The following MED12 variants were observed in gnomAD, a reference collection of about 807,000 sequenced individuals.
The protein encoded by MED12 is mediator of RNA polymerase II transcription subunit 12.
In MED12, 10 loss-of-function variants were observed where a neutral mutation model predicts 177.7. The ratio of observed to expected loss-of-function variants is 0.06; its 90% CI spans 0.03 to 0.10. The LOEUF (loss-of-function observed/expected upper bound fraction) is 0.10. Among genes scored for constraint, MED12 ranks in the 10% least tolerant of loss-of-function variants. The probability of loss-of-function intolerance (pLI) is 1.00; values close to 1 mark genes in which losing one functional copy is unlikely to be tolerated. For synonymous variants in MED12, 641 were observed against 678.4 expected, an observed-to-expected ratio of 0.94 and a Z score of 0.86; for missense variants, 867 against 1,780.8, an observed-to-expected ratio of 0.49 and a Z score of 9.23.
chrX:71,129,186 C>T lies in MED12; in HGVS notation c.3548C>T (p.Pro1183Leu), dbSNP rs1336321422. 8.3e-7 allele frequency: 1 copy of T among 1,210,880 alleles called. No individual in the cohort carries two copies. Reference protein sequence around the residue: ...CRILLHLFKTPQLNPCQSDGN... With the variant: ...CRILLHLFKTLQLNPCQSDGN... Reference sequence around the variant, plus strand: ...ATCCTCCTTCACCTTTTCAAGACACCGCAGCTCAATCCTTGCCAGTCTGAT... The same window carrying T: ...ATCCTCCTTCACCTTTTCAAGACACTGCAGCTCAATCCTTGCCAGTCTGAT... The change falls in exon 25 of 45, where the codon CCG becomes CTG. Residue 1183 changes from proline (P) to leucine (L), a missense_variant. Transcript: ENST00000374080.
chrX:71,118,676 T>G lies in MED12; in HGVS notation c.-79T>G. The G allele has an allele frequency of 6.3e-6, 6 of 958,300 alleles. No homozygotes were observed. Among genetic ancestry groups the G allele is most frequent in the African/African-American group, 1.9e-5 (1 of 52,096 alleles). 79.0% of individuals were successfully genotyped at this position (958,300 alleles called of 1,213,427 possible). On this transcript the variant is annotated 5_prime_UTR_variant, in exon 1 of 45. Coordinates refer to ENST00000374080, the MANE Select transcript of MED12 (RefSeq NM_005120.3). ...CCGTCCTCTCAACCACCGCCCCCCT[T>G]TTCGGCTCCCTCTCCCCCTTCCCGT...
chrX:71,130,997 A>G (rs1032399421), intron 28 of MED12, among the ~76,000 whole-genome samples: 1 of 112,280 alleles, frequency 8.9e-6, no homozygotes, highest in Non-Finnish European at 1.9e-5. Context: ...CTTTAACATC[A>G]AGGGTTTCAA....
In MED12 at chrX:71,132,571, G is replaced by A. The variant is rs372112475; in HGVS notation, c.4415+33G>A. On this transcript the variant is annotated intron_variant, in intron 31 of 44. Coordinates refer to ENST00000374080, the MANE Select transcript of MED12 (RefSeq NM_005120.3). The stretch of plus-strand genomic sequence containing the variant: ...GGCTTAGGGAGTGGACCAAGATTGA[G>A]GGGTAGAAAGGAGAAGAGGCAGGCC... 50 of 1,157,748 alleles carry A rather than the reference G, an allele frequency of 4.3e-5. No individual in the cohort carries two copies. In the African/African-American group the frequency reaches 7.9e-4, roughly 18 times the overall value.
Position 71,129,090 on chromosome X carries a change from A to T in MED12, c.3476-24A>T, listed in dbSNP as rs374782339. ...CATACAGTTTAACTTCATCCCTTCC[A>T]GATCTGTTTTGTCTTCCTTTTAGCT... On this transcript the variant is annotated intron_variant, in intron 24 of 44. Coordinates refer to ENST00000374080, the MANE Select transcript of MED12 (RefSeq NM_005120.3). 3.5e-6 allele frequency: 4 copies of T among 1,150,521 alleles called. No homozygotes were observed. In the African/African-American group the frequency reaches 7.2e-5, roughly 21 times the overall value. The allele number at this position is 1,150,521 out of a possible 1,213,427, so 94.8% of individuals were successfully genotyped here. A position where few individuals can be genotyped will look rare whatever the true frequency, so the allele number is the denominator to read the frequency against.
chrX:71,121,263 C>G, intron 5 of MED12, 64 bp from the exon 6 acceptor site: 1 of 846,220 alleles, frequency 1.2e-6, no homozygotes, highest in South Asian at 2.0e-5. Context: ...TTCTCTTCAT[C>G]TTTTCATTTA....
intron 26 of MED12, 118 bp from the exon 27 acceptor site, chrX:71,129,562 A>G: frequency 9.9e-7 from 1 of 1,011,409 alleles, no homozygotes; most frequent in Non-Finnish European, 1.4e-6. Flanking sequence ...GGAGAGAAGT[A>G]TATTTCTGTC....
chrX:71,132,661 T>A, intron 31 of MED12, 123 bp downstream of exon 31: 2 of 924,043 alleles, frequency 2.2e-6, no homozygotes, highest in Admixed American at 2.7e-5. Flanking sequence ...AGGATAAGAG[T>A]GGGCATGGCT....
chrX:71,118,831 C>G lies in MED12; in HGVS notation c.77C>G (p.Pro26Arg). 8.3e-7 allele frequency: 1 copy of G among 1,209,133 alleles called. No homozygotes were observed. Among genetic ancestry groups the G allele is most frequent in the Non-Finnish European group, 1.1e-6 (1 of 894,509 alleles). Residue 26 changes from proline to arginine, a missense_variant, in exon 1 of 45, where the codon CCT becomes CGT. Pro to Arg is a moderately radical substitution (Grantham distance 103). Transcript: ENST00000374080. ...CGGCTGGGGCCTCCCGATGTTTACC[C>G]TCAGGACCCCAAACAGAAGGAGGTG... ...RPRLGPPDVY[P>R]QDPKQKEDEL...
intron 17 of MED12, 73 bp downstream of exon 17, chrX:71,125,786 C>T (rs2092301621): frequency 6.3e-6 from 6 of 951,526 alleles, no homozygotes; most frequent in East Asian, 6.2e-5. Flanking sequence ...CCTCCCTGTA[C>T]ATATTCCTTT....
Position 71,134,836 on chromosome X carries a change from G to A in MED12, c.4851G>A (p.Ala1617=), listed in dbSNP as rs377210068. Residue 1617 remains alanine, a synonymous_variant, in exon 35 of 45, where the codon GCG becomes GCA. Transcript: ENST00000374080. ...EENKRAYMNL[A]KKLQKELGER... is the part of the protein sequence containing the mutation. ...ACAAGCGTGCATACATGAACCTGGC[G>A]AAGAAGTTGCAGGTAAGCAGAGGAA... 26 of 1,209,382 alleles carry A rather than the reference G, an allele frequency of 2.1e-5. No individual in the cohort carries two copies. The highest frequency in any genetic ancestry group is 1.1e-4 in the African/African-American group (6 of 56,929).
Position 71,130,211 on chromosome X carries a change from C to T in MED12, c.4044C>T (p.Leu1348=), listed in dbSNP as rs367674919. The T allele has an allele frequency of 4.2e-6, 5 of 1,203,700 alleles. No individual in the cohort carries two copies. The African/African-American group carries it at 7.0e-5, about 17-fold the overall frequency. ...AGCGGCAGCGCATAAAGCGCATTCT[C>T]CAGGTAGGCCAAGGCCGTGGGGGCT... ...NPQRQRIKRI[L]QNLDQWTMRQ... Residue 1348 remains leucine, a synonymous_variant, in exon 28 of 45, where the codon CTC becomes CTT. Transcript: ENST00000374080.
chrX:71,131,436 A>G, intron 28 of MED12, 114 bp from the exon 29 acceptor site: 1 of 694,738 alleles, frequency 1.4e-6, no homozygotes, highest in African/African-American at 2.1e-5. Context: ...TCCCTTTCAG[A>G]CCTCCAGGAG....
chrX:71,128,482 G>A, intron 23 of MED12, 42 bp downstream of exon 23: 3 of 1,210,279 alleles, frequency 2.5e-6, no homozygotes, highest in Non-Finnish European at 3.4e-6. Context: ...GCAGTGACCA[G>A]GGCAGGGGGC....
chrX:71,132,001 C>T, intron 29 of MED12, 72 bp from the exon 30 acceptor site: 5 of 989,060 alleles, frequency 5.1e-6, no homozygotes, highest in Non-Finnish European at 7.2e-6. Flanking sequence ...CATCTCCGAT[C>T]TCTCCTACCA....
rs1226256338 is a variant in MED12, at chrX:71,126,494, T to C, written c.2685+10T>C. The C allele has an allele frequency of 1.7e-6, 2 of 1,209,909 alleles. No individual in the cohort carries two copies. Among genetic ancestry groups the C allele is most frequent in the African/African-American group, 3.5e-5 (2 of 57,210 alleles). The stretch of plus-strand genomic sequence containing the variant: ...CGACTTTGCCATTCAGGTGGGGAAG[T>C]TGGGGAGATGAGGGTGGAGGCAGGA... On this transcript the variant is annotated intron_variant, in intron 19 of 44. Transcript: ENST00000374080.
intron 27 of MED12, 58 bp from the exon 28 acceptor site, chrX:71,129,977 C>G: frequency 8.5e-7 from 1 of 1,182,387 alleles, no homozygotes; most frequent in South Asian, 1.8e-5. Flanking sequence ...CAGCCCATCC[C>G]CCATATTCCT....
In MED12 at chrX:71,127,899, T is replaced by C. The variant is rs776771030; in HGVS notation, c.2988T>C (p.Phe996=). 8.3e-7 allele frequency: 1 copy of C among 1,209,127 alleles called. No individual in the cohort carries two copies. The highest frequency in any genetic ancestry group is 3.0e-5 in the East Asian group (1 of 33,848). Residue 996 remains phenylalanine, a synonymous_variant, in exon 22 of 45, where the codon TTT becomes TTC. Coordinates refer to ENST00000374080, the MANE Select transcript of MED12 (RefSeq NM_005120.3). The stretch of plus-strand genomic sequence containing the variant: ...CTTTCCTCCATCCCTGCAGCGACTT[T>C]TGCTCAAAGGTGAAGAACACCATCT... ...KNKFGELFSD[F]CSKVKNTIYC...
rs1457656906 is a variant in MED12, at chrX:71,125,005, G to T, written c.2085G>T (p.Gly695=). The T allele has an allele frequency of 8.3e-7, 1 of 1,208,321 alleles. No homozygotes were observed. Among genetic ancestry groups the T allele is most frequent in the Non-Finnish European group, 1.1e-6 (1 of 894,819 alleles). Residue 695 remains glycine, a synonymous_variant, in exon 15 of 45, where the codon GGG becomes GGT. Transcript: ENST00000374080. The part of the protein sequence containing the change: ...SLFSPTMPCE[G]KGSPSPEKPD... ...TCTCCCCTACTATGCCCTGTGAGGG[G>T]AAGGGCAGTCCATCCCCTGAGAAGC... is the stretch of plus-strand genomic sequence containing the variant.
intron 28 of MED12, among the ~76,000 whole-genome samples, chrX:71,131,167 C>T (rs762873293): frequency 2.0e-3 from 177 of 86,639 alleles, no homozygotes; most frequent in African/African-American, 7.4e-3. Flanking sequence ...TCGCTCTTGT[C>T]GCTCAGGCTG....
Sources: allele counts gnomAD v4.1 joint callset (sites outside exome capture counted in the v4.1 genomes callset), GRCh38; gene constraint gnomAD v4.1.1; transcripts MANE v1.5; gene names NCBI Gene and HGNC (gene_info 2026-07-23, HGNC 2026-07-21).